BTBD10: variants seen among roughly 807,000 people sequenced by gnomAD.
BTBD10 encodes BTB/POZ domain-containing protein 10.
In BTBD10, 21 loss-of-function variants were observed where a neutral mutation model predicts 53.2. The ratio of observed to expected loss-of-function variants is 0.39; its 90% CI spans 0.28 to 0.57. The LOEUF is 0.57. Among genes scored for constraint, BTBD10 ranks in the 20% least tolerant of loss-of-function variants. BTBD10 has a pLI of 0.53. For synonymous variants in BTBD10, 149 were observed against 192.7 expected, an observed-to-expected ratio of 0.77 and a Z score of 1.88; for missense variants, 360 against 594.7, an observed-to-expected ratio of 0.61 and a Z score of 4.10.
At chr11:13,460,057 C>T (rs1448224793) in intron 1 of BTBD10, among the ~76,000 whole-genome samples, 1 of 152,156 alleles carries the variant, frequency 6.6e-6, no homozygotes, top group Non-Finnish European at 1.5e-5. Flanking sequence ...AAACATAATA[C>T]ATATCTCCTC....
At chr11:13,414,955 C>CATCT (rs1428008712) in intron 5 of BTBD10, among the ~76,000 whole-genome samples, 1 of 149,738 alleles carries the variant, frequency 6.7e-6, no homozygotes, top group East Asian at 2.0e-4. Flanking sequence ...GGAAGTGAAA[C>CATCT]ATCTTCTGGT....
intron 2 of BTBD10, among the ~76,000 whole-genome samples, chr11:13,438,230 TTTTG>T (rs1483392664): frequency 6.6e-6 from 1 of 152,116 alleles, no homozygotes; most frequent in Non-Finnish European, 1.5e-5. Flanking sequence ...TTTCCTGATT[TTTTG>T]TTTATTTTTT....
intron 2 of BTBD10, among the ~76,000 whole-genome samples, chr11:13,428,482 C>T (rs1312193033): frequency 6.6e-6 from 1 of 151,846 alleles, no homozygotes; most frequent in South Asian, 2.1e-4. Flanking sequence ...AATTCCCAAA[C>T]ACTTGGAAAT....
chr11:13,412,266 C>A (rs1352023536), intron 6 of BTBD10, among the ~76,000 whole-genome samples: 1 of 152,080 alleles, frequency 6.6e-6, no homozygotes, highest in Non-Finnish European at 1.5e-5. Context: ...CCAACCTGGC[C>A]AACATAGTGA....
intron 2 of BTBD10, among the ~76,000 whole-genome samples, chr11:13,441,827 G>A (rs890502419): frequency 6.6e-6 from 1 of 152,044 alleles, no homozygotes; most frequent in Non-Finnish European, 1.5e-5. Flanking sequence ...ACTGTTCAAG[G>A]TGACAATGTG....
chr11:13,395,333 A>T (rs1165374674), intron 8 of BTBD10, among the ~76,000 whole-genome samples: 2 of 152,126 alleles, frequency 1.3e-5, no homozygotes. Flanking sequence ...TGGCTGCATA[A>T]ATGTCTTCCT....
At chr11:13,403,503 C>T (rs1949754405) in intron 7 of BTBD10, among the ~76,000 whole-genome samples, 1 of 143,118 alleles carries the variant, frequency 7.0e-6, no homozygotes, top group Non-Finnish European at 1.5e-5. Context: ...GACAACCAAT[C>T]AGAAAACCCA....
intron 8 of BTBD10, among the ~76,000 whole-genome samples, chr11:13,401,043 T>C (rs1288519729): frequency 6.6e-6 from 1 of 151,996 alleles, no homozygotes; most frequent in Non-Finnish European, 1.5e-5. Flanking sequence ...TCAAATAAAG[T>C]ATTCTTTAAT....
intron 8 of BTBD10, among the ~76,000 whole-genome samples, chr11:13,390,472 T>C (rs1249923713): frequency 1.3e-5 from 2 of 151,844 alleles, no homozygotes; most frequent in Non-Finnish European, 2.9e-5. Context: ...GCCTCTCGAG[T>C]AGCTGGGACT....
At chr11:13,430,974 T>TATACAC (rs1555026667) in intron 2 of BTBD10, among the ~76,000 whole-genome samples, 126 of 144,486 alleles carry the variant, frequency 8.7e-4, no homozygotes, top group African/African-American at 3.1e-3. Flanking sequence ...TGGAGATACA[T>TATACAC]ACACACACAC....
intron 5 of BTBD10, among the ~76,000 whole-genome samples, chr11:13,416,806 G>A (rs990306923): frequency 1.4e-4 from 22 of 151,858 alleles, no homozygotes; most frequent in African/African-American, 4.4e-4. Context: ...GTGAGACCTC[G>A]TCTCTATAAA....
At chr11:13,448,491 T>C (rs1183525805) in intron 1 of BTBD10, among the ~76,000 whole-genome samples, 3 of 152,188 alleles carry the variant, frequency 2.0e-5, no homozygotes, top group Non-Finnish European at 4.4e-5. Context: ...GTCAGTCTCA[T>C]CATCTTGGCC....
chr11:13,413,696 G>A (rs1591117261), intron 5 of BTBD10, 46 bp from the exon 6 acceptor site: 3 of 1,559,042 alleles, frequency 1.9e-6, no homozygotes, highest in Non-Finnish European at 1.7e-6. Flanking sequence ...TGGAGCATAA[G>A]GTAGCCAAAA....
chr11:13,400,866 G>A (rs376101195), intron 8 of BTBD10, among the ~76,000 whole-genome samples: 5 of 152,100 alleles, frequency 3.3e-5, no homozygotes, highest in Non-Finnish European at 7.4e-5. Flanking sequence ...AACTGGCCCA[G>A]ACTCTTCAAT....
chr11:13,407,512 TG>T (rs145939051), intron 6 of BTBD10, among the ~76,000 whole-genome samples: 16,348 of 152,256 alleles, frequency 0.11, 966 homozygotes, highest in Middle Eastern at 0.15. Context: ...GGGCATATAA[TG>T]GGAACTTAAA....
chr11:13,412,455 AAAC>A (rs199920209), intron 6 of BTBD10, among the ~76,000 whole-genome samples: 9 of 152,042 alleles, frequency 5.9e-5, no homozygotes, highest in East Asian at 5.8e-4. Flanking sequence ...TCCATCTCAA[AAAC>A]AACAACAACA....
intron 8 of BTBD10, among the ~76,000 whole-genome samples, chr11:13,401,724 A>C (rs1236125880): frequency 6.6e-6 from 1 of 152,164 alleles, no homozygotes; most frequent in Non-Finnish European, 1.5e-5. Context: ...AAGATAAAGG[A>C]AACTGATGCT....
chr11:13,394,323 TAGTG>T (rs772038713), intron 8 of BTBD10, among the ~76,000 whole-genome samples: 2 of 152,140 alleles, frequency 1.3e-5, no homozygotes, highest in Non-Finnish European at 2.9e-5. Flanking sequence ...GTTCTTGTGA[TAGTG>T]AGTGCTCATG....
intron 6 of BTBD10, among the ~76,000 whole-genome samples, chr11:13,407,296 T>G (rs1949853189): frequency 2.0e-5 from 3 of 152,226 alleles, no homozygotes; most frequent in African/African-American, 7.2e-5. Flanking sequence ...CAAATTTATT[T>G]CTACTAATTC....
Sources: gnomAD v4.1 joint callset for allele counts (sites outside exome capture counted in the v4.1 genomes callset) on GRCh38, gnomAD v4.1.1 for gene constraint, MANE v1.5 for transcripts, NCBI Gene and HGNC (gene_info 2026-07-23, HGNC 2026-07-21) for gene names.